The following PRUNE2 variants were observed in gnomAD, a reference collection of about 807,000 sequenced individuals.
The protein encoded by PRUNE2 is prune homolog 2 with BCH domain, also known as protein prune homolog 2.
Under a neutral mutation model 252.0 loss-of-function variants are expected in PRUNE2, and 164 were observed. The ratio of observed to expected loss-of-function variants is 0.65; its 90% CI spans 0.57 to 0.74. The LOEUF (loss-of-function observed/expected upper bound fraction) is 0.74, where lower values mean the gene tolerates loss of function less well. PRUNE2 is among the 30% of genes least tolerant of loss of function. The pLI is 0.00. For missense variants in PRUNE2, 3,495 were observed against 3,711.0 expected (o/e 0.94, Z 1.51); for synonymous variants, 1,292 against 1,350.2 (o/e 0.96, Z 0.94).
intron 6 of PRUNE2, among the ~76,000 whole-genome samples, chr9:76,769,579 C>T (rs2052859100): frequency 6.6e-6 from 1 of 152,172 alleles, no homozygotes; most frequent in African/African-American, 2.4e-5. Flanking sequence ...GCACGTGCCA[C>T]CATGTCCGGC....
At chr9:76,777,377 AGGAGCACT>A (rs907666437) in intron 6 of PRUNE2, among the ~76,000 whole-genome samples, 3 of 152,336 alleles carry the variant, frequency 2.0e-5, no homozygotes, top group African/African-American at 7.2e-5. Flanking sequence ...CGAAGTAAGC[AGGAGCACT>A]GGCCAGCCAT....
At chr9:76,899,080 C>T (rs900946399) in intron 1 of PRUNE2, among the ~76,000 whole-genome samples, 17 of 152,238 alleles carry the variant, frequency 1.1e-4, no homozygotes, top group Non-Finnish European at 1.3e-4. Context: ...GCCAATCTCT[C>T]TCATGATATT....
intron 9 of PRUNE2, among the ~76,000 whole-genome samples, chr9:76,668,326 A>C (rs2040600627): frequency 6.6e-6 from 1 of 152,250 alleles, no homozygotes; most frequent in African/African-American, 2.4e-5. Flanking sequence ...AAAATTTCTC[A>C]GATCTCTGAT....
At position 76,705,625 on chromosome 9, in the gene PRUNE2, T is replaced by C. The variant is rs546118567; in HGVS notation, c.6649A>G (p.Ile2217Val). 54 of 1,614,046 alleles carry C rather than the reference T, an allele frequency of 3.3e-5. No homozygotes were observed. The highest frequency in any genetic ancestry group is 1.6e-4 in the Middle Eastern group (1 of 6,062). ...EKGASPDMAP[I>V]LEPVDRRIPR... ...ATTCTTCTGTCAACTGGTTCCAAAA[T>C]TGGTGCCATATCTGGGCTGGCTCCT... Residue 2217 changes from isoleucine to valine, a missense_variant, in exon 8 of 19, where the codon ATT (isoleucine) becomes GTT (valine). Transcript: ENST00000376718.
At chr9:76,808,391 T>C (rs956684403) in intron 6 of PRUNE2, among the ~76,000 whole-genome samples, 1 of 152,222 alleles carries the variant, frequency 6.6e-6, no homozygotes, top group African/African-American at 2.4e-5. Flanking sequence ...TGTGGGGATA[T>C]CCCAACAAGT....
chr9:76,896,977 C>T (rs1363918913), intron 1 of PRUNE2, among the ~76,000 whole-genome samples: 1 of 152,224 alleles, frequency 6.6e-6, no homozygotes, highest in Non-Finnish European at 1.5e-5. Flanking sequence ...TCCTCCCAAT[C>T]GTTTATCAGT....
chr9:76,614,652 T>C (rs1488120304), intron 18 of PRUNE2, 52 bp from the exon 19 acceptor site: 1 of 1,399,356 alleles, frequency 7.1e-7, no homozygotes, highest in Admixed American at 1.7e-5. Flanking sequence ...ATGAGAGACA[T>C]TTAGTAATGA....
chr9:76,789,597 T>C (rs1229575797), intron 6 of PRUNE2, among the ~76,000 whole-genome samples: 3 of 152,066 alleles, frequency 2.0e-5, no homozygotes, highest in African/African-American at 7.2e-5. Flanking sequence ...GGCCCTCCAT[T>C]AGGAGTCGAC....
At position 76,614,542 on chromosome 9, in the gene PRUNE2, A is replaced by G. The variant is rs1828482969; in HGVS notation, c.*28T>C. Reference sequence around the variant, plus strand: ...GTTTCAACAGAACCATGAACCAGAAAAGCATCCTCTTCTTCCAGCATGGCC... The same window carrying G: ...GTTTCAACAGAACCATGAACCAGAAGAGCATCCTCTTCTTCCAGCATGGCC... On this transcript the variant is annotated 3_prime_UTR_variant, in exon 19 of 19. Coordinates refer to ENST00000376718, the MANE Select transcript of PRUNE2 (RefSeq NM_015225.3). 5.6e-6 allele frequency: 9 copies of G among 1,597,318 alleles called. No homozygotes were observed. The highest frequency in any genetic ancestry group is 7.7e-6 in the Non-Finnish European group (9 of 1,164,946).
intron 9 of PRUNE2, among the ~76,000 whole-genome samples, chr9:76,688,501 G>A (rs760085454): frequency 2.0e-5 from 3 of 152,176 alleles, no homozygotes; most frequent in Non-Finnish European, 4.4e-5. Flanking sequence ...CACAGGGCTT[G>A]CCAATTCTTC....
intron 6 of PRUNE2, among the ~76,000 whole-genome samples, chr9:76,741,822 A>G (rs973852096): frequency 3.3e-5 from 5 of 152,078 alleles, no homozygotes; most frequent in African/African-American, 1.2e-4. Flanking sequence ...ACATTTTCCT[A>G]CGTTCTCTAC....
chr9:76,750,189 A>G (rs560086411), intron 6 of PRUNE2, among the ~76,000 whole-genome samples: 78 of 152,122 alleles, frequency 5.1e-4, no homozygotes, highest in Non-Finnish European at 8.1e-4. Flanking sequence ...ATAAGTGTAA[A>G]TGTTTCCCTG....
At chr9:76,701,167 G>A (rs761113028) in intron 9 of PRUNE2, among the ~76,000 whole-genome samples, 88 of 152,172 alleles carry the variant, frequency 5.8e-4, no homozygotes, top group Non-Finnish European at 1.1e-3. Flanking sequence ...CCGATAATTT[G>A]CATTTCTAAC....
At chr9:76,693,162 G>A (rs950209710) in intron 9 of PRUNE2, among the ~76,000 whole-genome samples, 1 of 152,106 alleles carries the variant, frequency 6.6e-6, no homozygotes, top group Non-Finnish European at 1.5e-5. Context: ...AAATAGAAAG[G>A]CATGTGTTTA....
chr9:76,811,781 C>A (rs149283342), intron 6 of PRUNE2, among the ~76,000 whole-genome samples: 9 of 152,198 alleles, frequency 5.9e-5, no homozygotes, highest in East Asian at 3.9e-4. Flanking sequence ...AAATAAGGAG[C>A]CAGAGGTGCC....
intron 11 of PRUNE2, among the ~76,000 whole-genome samples, chr9:76,648,753 T>C (rs1845979854): frequency 6.6e-6 from 1 of 152,246 alleles, no homozygotes; most frequent in East Asian, 1.9e-4. Context: ...ATACATTTGC[T>C]TAAACACATA....
At chr9:76,634,270 T>G (rs538911071) in intron 15 of PRUNE2, among the ~76,000 whole-genome samples, 32 of 152,366 alleles carry the variant, frequency 2.1e-4, no homozygotes, top group African/African-American at 7.0e-4. Flanking sequence ...GTTATTATCT[T>G]GAAGCTCCCT....
At chr9:76,641,076 C>T (rs1170894969) in intron 12 of PRUNE2, among the ~76,000 whole-genome samples, 1 of 152,110 alleles carries the variant, frequency 6.6e-6, no homozygotes, top group African/African-American at 2.4e-5. Flanking sequence ...GCTGTCTGCC[C>T]TTGGAATGTT....
intron 6 of PRUNE2, among the ~76,000 whole-genome samples, chr9:76,756,436 C>A (rs10217562): frequency 0.012 from 1,866 of 152,314 alleles, 33 homozygotes; most frequent in African/African-American, 0.042. Flanking sequence ...GGCTCACTGG[C>A]CAGATGGCGC....
Sources: gnomAD v4.1 joint callset for allele counts (sites outside exome capture counted in the v4.1 genomes callset) on GRCh38, gnomAD v4.1.1 for gene constraint, MANE v1.5 for transcripts, NCBI Gene and HGNC (gene_info 2026-07-23, HGNC 2026-07-21) for gene names.